STK32B: variants seen among roughly 807,000 people sequenced by gnomAD.
STK32B encodes the protein serine/threonine-protein kinase 32B.
A neutral mutation model predicts 52.6 loss-of-function variants in STK32B; 43 were observed. The ratio of observed to expected loss-of-function variants is 0.82; its 90% CI spans 0.64 to 1.05. The LOEUF is 1.05. STK32B is among the 50% of genes least tolerant of loss of function. STK32B has a pLI of 0.00. For missense variants in STK32B, 621 were observed against 534.6 expected (o/e 1.16, Z -1.59); for synonymous variants, 238 against 204.3 (o/e 1.17, Z -1.41).
intron 11 of STK32B, among the ~76,000 whole-genome samples, chr4:5,497,107 C>T (rs941244878): frequency 1.8e-4 from 27 of 152,102 alleles, no homozygotes; most frequent in African/African-American, 5.6e-4. Flanking sequence ...TTGAAATCCA[C>T]GATTTTATAG....
chr4:5,092,752 G>T (rs891017053), intron 1 of STK32B, among the ~76,000 whole-genome samples: 1 of 152,036 alleles, frequency 6.6e-6, no homozygotes, highest in Non-Finnish European at 1.5e-5. Context: ...CCCGAGAACA[G>T]CACCAAGGAG....
chr4:5,311,115 G>A (rs1730263348), intron 3 of STK32B, among the ~76,000 whole-genome samples: 1 of 152,110 alleles, frequency 6.6e-6, no homozygotes, highest in Non-Finnish European at 1.5e-5. Flanking sequence ...ATCTGCCTAG[G>A]AGAAATAAGT....
Position 5,484,251 on chromosome 4 carries a change from G to A in STK32B, c.1107-14694G>A, listed in dbSNP as rs960775411. Among the ~76,000 whole-genome samples, 9 of 152,298 alleles carry A rather than the reference G, an allele frequency of 5.9e-5. No homozygotes were observed. The East Asian group carries it at 1.7e-3, about 29-fold the overall frequency. On this transcript the variant is annotated intron_variant, in intron 11 of 11. Coordinates refer to ENST00000282908, the MANE Select transcript of STK32B (RefSeq NM_018401.3). ...TCTCTTTGTAGGTCTCTAAGGACTT[G>A]CTCTATGAATCTGGGTACTCCTGTA...
At chr4:5,320,243 C>T (rs914367211) in intron 3 of STK32B, among the ~76,000 whole-genome samples, 2 of 152,136 alleles carry the variant, frequency 1.3e-5, no homozygotes, top group African/African-American at 4.8e-5. Context: ...ATGATTCCCC[C>T]TCCCATGATA....
rs937597157 is a variant in STK32B at position 5,453,209 on chromosome 4, A to C, written c.667-3598A>C. Among the ~76,000 whole-genome samples the C allele has an allele frequency of 4.9e-5, 7 of 142,852 alleles. No individual in the cohort carries two copies. Among genetic ancestry groups the C allele is most frequent in the African/African-American group, 1.8e-4 (7 of 38,774 alleles). The allele number at this position is 142,852 out of a possible 152,430, so 93.7% of individuals were successfully genotyped here. On this transcript the variant is annotated intron_variant, in intron 7 of 11. Transcript: ENST00000282908. This position sits in a 1 kb window ranked among gnomAD's most constrained non-coding sequence, Gnocchi z 4.0. Reference sequence around the variant, plus strand: ...TCCGGTTGCCTCCAGAAGGAGAGAGAATTACAGAGATTAGGGAGAGAGAGA... The same window carrying C: ...TCCGGTTGCCTCCAGAAGGAGAGAGCATTACAGAGATTAGGGAGAGAGAGA...
At chr4:5,316,079 A>G (rs1730662623) in intron 3 of STK32B, among the ~76,000 whole-genome samples, 1 of 132,980 alleles carries the variant, frequency 7.5e-6, no homozygotes, top group African/African-American at 3.2e-5. Flanking sequence ...GATGGAGAAT[A>G]TATATGTGTC....
chr4:5,474,323 T>C (rs1338894456), intron 11 of STK32B, among the ~76,000 whole-genome samples: 1 of 152,208 alleles, frequency 6.6e-6, no homozygotes, highest in Non-Finnish European at 1.5e-5. Context: ...TTGGTCTTGC[T>C]GCTCATGGTG....
At chr4:5,235,879 C>G (rs1045526814) in intron 3 of STK32B, among the ~76,000 whole-genome samples, 1 of 152,206 alleles carries the variant, frequency 6.6e-6, no homozygotes, top group Non-Finnish European at 1.5e-5. Context: ...AGGAGATGGT[C>G]TTTCCAGGGG....
At chr4:5,139,663 A>ATCTCGGTGGTC in intron 1 of STK32B, 1 of 526,264 alleles carries the variant, frequency 1.9e-6, no homozygotes, top group East Asian at 3.1e-5. Flanking sequence ...AAGACTGCAG[A>ATCTCGGTGGTC]GCCTCATCAA....
At chr4:5,364,517 A>G (rs1400245059) in intron 4 of STK32B, among the ~76,000 whole-genome samples, 1 of 152,206 alleles carries the variant, frequency 6.6e-6, no homozygotes, top group Non-Finnish European at 1.5e-5. Flanking sequence ...CCAAATTCAT[A>G]TACCAACCCA....
intron 4 of STK32B, among the ~76,000 whole-genome samples, chr4:5,345,644 G>A (rs567720214): frequency 7.0e-4 from 106 of 152,290 alleles, no homozygotes; most frequent in African/African-American, 2.5e-3. Context: ...GTGTCTCCTG[G>A]AGGGTGAATA....
chr4:5,190,960 T>C (rs561762437), intron 3 of STK32B, among the ~76,000 whole-genome samples: 1 of 152,340 alleles, frequency 6.6e-6, no homozygotes, highest in African/African-American at 2.4e-5. Flanking sequence ...CTGCACTCTC[T>C]ACAACGTAAC....
the STK32B span, among the ~76,000 whole-genome samples, chr4:5,027,019 T>G: frequency 1.3e-5 from 2 of 152,172 alleles, no homozygotes; most frequent in African/African-American, 2.4e-5. Context: ...GCATTTGAGG[T>G]CAGGAGCCAC....
chr4:5,065,728 A>AT (rs928993069), intron 1 of STK32B, among the ~76,000 whole-genome samples: 11 of 151,926 alleles, frequency 7.2e-5, no homozygotes, highest in Non-Finnish European at 1.5e-4. Context: ...TGACTCAGTA[A>AT]TTTTTTTTGT....
At chr4:5,220,093 C>A (rs1560234935) in intron 3 of STK32B, among the ~76,000 whole-genome samples, 1 of 152,120 alleles carries the variant, frequency 6.6e-6, no homozygotes, top group African/African-American at 2.4e-5. Context: ...CTGCAAACTC[C>A]AGTCTAAAGG....
Position 5,460,012 on chromosome 4 carries a change from C to T in STK32B, c.784-91C>T. 12 of 1,583,468 alleles carry T rather than the reference C, an allele frequency of 7.6e-6. No individual in the cohort carries two copies. Among genetic ancestry groups the T allele is most frequent in the Non-Finnish European group, 1.0e-5 (12 of 1,155,494 alleles). On this transcript the variant is annotated intron_variant, in intron 8 of 11. Coordinates refer to ENST00000282908, the MANE Select transcript of STK32B (RefSeq NM_018401.3). This position sits in a 1 kb window ranked among gnomAD's most constrained non-coding sequence, Gnocchi z 4.8. Reference sequence around the variant, plus strand: ...CAATAGAGCGTGAAGAGCAGAGGCACATTAATTGCCCTGAGACCCCCTCCT... The same window carrying T: ...CAATAGAGCGTGAAGAGCAGAGGCATATTAATTGCCCTGAGACCCCCTCCT...
At position 5,143,912 on chromosome 4, in the gene STK32B, C is replaced by T. The variant is rs117377020; in HGVS notation, c.108+3952C>T. ...GAATGCCCACTCCAGCCTCCACCAG[C>T]CAGGATGTTGTGATGTCAATGACAT... On this transcript the variant is annotated intron_variant, in intron 2 of 11. Transcript: ENST00000282908. 3.3e-5 allele frequency among the ~76,000 whole-genome samples: 5 copies of T among 152,326 alleles called. No homozygotes were observed. The East Asian group carries it at 9.6e-4, about 29-fold the overall frequency.
chr4:5,315,131 AT>A (rs1356950912), intron 3 of STK32B, among the ~76,000 whole-genome samples: 2 of 152,270 alleles, frequency 1.3e-5, no homozygotes, highest in African/African-American at 2.4e-5. Context: ...TCAACAGTAA[AT>A]TTTTTTAATC....
intron 5 of STK32B, among the ~76,000 whole-genome samples, chr4:5,406,307 G>A (rs1452153594): frequency 6.6e-6 from 1 of 152,182 alleles, no homozygotes; most frequent in Non-Finnish European, 1.5e-5. Flanking sequence ...GCCTTCACAG[G>A]TTGGCATTGA....
Sources: gnomAD v4.1 joint callset for allele counts (sites outside exome capture counted in the v4.1 genomes callset) on GRCh38, gnomAD v4.1.1 for gene constraint, Gnocchi (gnomAD v3.1) non-coding constraint, MANE v1.5 for transcripts, NCBI Gene and HGNC (gene_info 2026-07-23, HGNC 2026-07-21) for gene names.